Variants in FKTN observed in about 807,000 individuals in gnomAD.
FKTN encodes the protein ribitol-5-phosphate transferase FKTN.
In FKTN, 47 loss-of-function variants were observed where a neutral mutation model predicts 58.6. The ratio of observed to expected loss-of-function variants is 0.80; its 90% CI spans 0.63 to 1.02. FKTN has a LOEUF of 1.02. Among genes scored for constraint, FKTN ranks in the 50% least tolerant of loss-of-function variants. The probability of loss-of-function intolerance (pLI) is 0.00; values close to 1 mark genes in which losing one functional copy is unlikely to be tolerated. For synonymous variants in FKTN, 178 were observed against 191.9 expected, an observed-to-expected ratio of 0.93 and a Z score of 0.60; for missense variants, 516 against 537.3, an observed-to-expected ratio of 0.96 and a Z score of 0.39.
chr9:105,585,418 C>G (rs1348592346), intron 3 of FKTN, among the ~76,000 whole-genome samples: 1 of 151,610 alleles, frequency 6.6e-6, no homozygotes, highest in Non-Finnish European at 1.5e-5. Context: ...GACCCTGTCT[C>G]AAAAAATAAA....
Position 105,610,853 on chromosome 9 carries a change from G to A in FKTN, c.780+2902G>A, listed in dbSNP as rs555158711. The stretch of plus-strand genomic sequence containing the variant: ...TTTAGTATCGAATAGTTCAGGAAGG[G>A]CGGGAGACTTTATTTACTTTTAATT... On this transcript the variant is annotated intron_variant, in intron 7 of 10. Transcript: ENST00000357998. 1.8e-4 allele frequency among the ~76,000 whole-genome samples: 27 copies of A among 152,140 alleles called. 1 individual carries two copies. Among genetic ancestry groups the A allele is most frequent in the African/African-American group, 5.8e-4 (24 of 41,402 alleles).
At chr9:105,578,283 T>C (rs1160178639) in intron 3 of FKTN, among the ~76,000 whole-genome samples, 1 of 149,044 alleles carries the variant, frequency 6.7e-6, no homozygotes, top group Admixed American at 6.7e-5. Flanking sequence ...TTTTGCCCAT[T>C]CAGTATGATA....
intron 1 of FKTN, among the ~76,000 whole-genome samples, chr9:105,562,102 C>T (rs1838403315): frequency 6.6e-6 from 1 of 152,194 alleles, no homozygotes; most frequent in African/African-American, 2.4e-5. Flanking sequence ...AATGTCAGTT[C>T]TGTTTTAATG....
chr9:105,598,945 A>T (rs1446018232), intron 4 of FKTN, among the ~76,000 whole-genome samples: 2 of 152,096 alleles, frequency 1.3e-5, no homozygotes, highest in Non-Finnish European at 2.9e-5. Flanking sequence ...ACACACACAC[A>T]CACACACAAA....
At position 105,635,251 on chromosome 9, in the gene FKTN, T is replaced by C; in HGVS notation, c.1373T>C (p.Ile458Thr). Residue 458 changes from isoleucine to threonine, a missense_variant, in exon 11 of 11, where the codon ATC (isoleucine) becomes ACC (threonine). Ile to Thr is a moderately conservative substitution (Grantham distance 89). Coordinates refer to ENST00000357998, the MANE Select transcript of FKTN (RefSeq NM_001079802.2). ...IWPISEWDEV[I>T]QLY ...CCTATTTCTGAGTGGGATGAGGTTA[T>C]CCAGTTATATTGAGATAGTAGGTTG... 1 of 1,614,060 alleles carries C rather than the reference T, an allele frequency of 6.2e-7. No individual in the cohort carries two copies. Among genetic ancestry groups the C allele is most frequent in the South Asian group, 1.1e-5 (1 of 91,072 alleles).
rs2133475124 is a variant in FKTN at position 105,638,101 on chromosome 9, CTAAA to C, written c.*2845_*2848del. ...CTTTTTAAACCCTCTTATTTTATAA[CTAAA>C]TAAATAATCACAGAAAAGAATGATC... On this transcript the variant is annotated 3_prime_UTR_variant, in exon 11 of 11. Coordinates refer to ENST00000357998, the MANE Select transcript of FKTN (RefSeq NM_001079802.2). 3 of 972,774 alleles carry C rather than the reference CTAAA, an allele frequency of 3.1e-6. No homozygotes were observed. Among genetic ancestry groups the C allele is most frequent in the South Asian group, 9.5e-5 (2 of 21,052 alleles). 60.3% of individuals were successfully genotyped at this position (972,774 alleles called of 1,614,324 possible). A position where few individuals can be genotyped will look rare whatever the true frequency, so the allele number is the denominator to read the frequency against.
chr9:105,577,170 T>C (rs1841893666), intron 3 of FKTN, among the ~76,000 whole-genome samples: 1 of 150,640 alleles, frequency 6.6e-6, no homozygotes, highest in Non-Finnish European at 1.5e-5. Context: ...CTCTTTATTT[T>C]AATTAGATCC....
intron 1 of FKTN, among the ~76,000 whole-genome samples, chr9:105,572,306 A>G (rs1415120143): frequency 6.6e-6 from 1 of 151,940 alleles, no homozygotes. Context: ...GGATTGTTTT[A>G]AAACCCCAAA....
chr9:105,637,721 C>G lies in FKTN; in HGVS notation c.*2457C>G. 4 of 985,416 alleles carry G rather than the reference C, an allele frequency of 4.1e-6. No homozygotes were observed. The highest frequency in any genetic ancestry group is 4.8e-6 in the Non-Finnish European group (4 of 829,930). The allele number at this position is 985,416 out of a possible 1,614,324, so 61.0% of individuals were successfully genotyped here. ...AGTTGACAACTTGTTGGTAGTTAGG[C>G]ACCCATGAATGTCTCCAGAGACATC... On this transcript the variant is annotated 3_prime_UTR_variant, in exon 11 of 11. Transcript: ENST00000357998.
In FKTN at chr9:105,584,146, A is replaced by G. The variant is rs1042139417; in HGVS notation, c.105+9009A>G. On this transcript the variant is annotated intron_variant, in intron 3 of 10. Coordinates refer to ENST00000357998, the MANE Select transcript of FKTN (RefSeq NM_001079802.2). ...TTCCTTATCTACAAAATGGGAGGCA[A>G]TAACAGTACCACCTCATAGACTTGT... Among the ~76,000 whole-genome samples the G allele has an allele frequency of 2.6e-5, 4 of 152,340 alleles. No individual in the cohort carries two copies. In the South Asian group the frequency reaches 8.3e-4, roughly 32 times the overall value.
intron 3 of FKTN, among the ~76,000 whole-genome samples, chr9:105,584,822 AT>A (rs560295838): frequency 4.5e-4 from 66 of 147,798 alleles, no homozygotes; most frequent in Non-Finnish European, 5.3e-4. Context: ...GTGTCTTAAA[AT>A]TTTTTTTTTT....
At chr9:105,583,566 G>A (rs1372411565) in intron 3 of FKTN, among the ~76,000 whole-genome samples, 1 of 152,042 alleles carries the variant, frequency 6.6e-6, no homozygotes, top group South Asian at 2.1e-4. Context: ...TGATGATGTT[G>A]TCTTTTTCTG....
chr9:105,595,274 A>G (rs766622909), intron 3 of FKTN, among the ~76,000 whole-genome samples: 1 of 152,228 alleles, frequency 6.6e-6, no homozygotes, highest in Non-Finnish European at 1.5e-5. Context: ...AACTCTAAAC[A>G]TACTAAAAAT....
At chr9:105,624,227 C>T (rs1233269087) in intron 10 of FKTN, 1 of 152,116 alleles carries the variant, frequency 6.6e-6, no homozygotes, top group Non-Finnish European at 1.5e-5. Flanking sequence ...TTCATGACTC[C>T]CCTGATAGTT....
At chr9:105,574,041 G>A (rs1221795000) in intron 2 of FKTN, among the ~76,000 whole-genome samples, 1 of 152,074 alleles carries the variant, frequency 6.6e-6, no homozygotes, top group Admixed American at 6.5e-5. Context: ...GGATTGGCAG[G>A]GAACATTGTA....
At chr9:105,606,276 T>C (rs1408414804) in intron 6 of FKTN, among the ~76,000 whole-genome samples, 1 of 152,088 alleles carries the variant, frequency 6.6e-6, no homozygotes, top group East Asian at 1.9e-4. Flanking sequence ...CTTTATGTTA[T>C]GCACTTTCCT....
At chr9:105,602,327 C>T (rs766833883) in intron 5 of FKTN, among the ~76,000 whole-genome samples, 42 of 152,140 alleles carry the variant, frequency 2.8e-4, no homozygotes, top group Non-Finnish European at 5.6e-4. Context: ...GCCAGTTTGT[C>T]ATTATGATAA....
intron 3 of FKTN, among the ~76,000 whole-genome samples, chr9:105,590,223 A>T (rs1339811100): frequency 6.6e-6 from 1 of 152,156 alleles, no homozygotes; most frequent in Non-Finnish European, 1.5e-5. Flanking sequence ...GGTAGCAAAT[A>T]AGTCTCATGA....
Position 105,572,867 on chromosome 9 carries a change from A to C in FKTN, c.-180-788A>C, listed in dbSNP as rs117313861. Among the ~76,000 whole-genome samples, 809 of 152,320 alleles carry C rather than the reference A, an allele frequency of 5.3e-3. 3 individuals are homozygous for C. The highest frequency in any genetic ancestry group is 8.6e-3 in the Non-Finnish European group (582 of 68,038). On this transcript the variant is annotated intron_variant, in intron 1 of 10. Coordinates refer to ENST00000357998, the MANE Select transcript of FKTN (RefSeq NM_001079802.2). ...GAAAGAGTTTTCTTGTATACCAGAG[A>C]CTACCCTCTAGTCTAGAATACACCC...
Sources: allele counts gnomAD v4.1 joint callset (sites outside exome capture counted in the v4.1 genomes callset), GRCh38; gene constraint gnomAD v4.1.1; transcripts MANE v1.5; gene names NCBI Gene and HGNC (gene_info 2026-07-23, HGNC 2026-07-21).